CDH24: variants seen among roughly 807,000 people sequenced by gnomAD.
CDH24 encodes the protein cadherin-24.
CDH24 carries 61 observed loss-of-function variants against 71.2 expected under a neutral mutation model. The ratio of observed to expected loss-of-function variants is 0.86; its 90% CI spans 0.70 to 1.06. The LOEUF is 1.06. Among genes scored for constraint, CDH24 ranks in the 50% least tolerant of loss-of-function variants. The probability of loss-of-function intolerance (pLI) is 0.00; values close to 1 mark genes in which losing one functional copy is unlikely to be tolerated. For synonymous variants in CDH24, 440 were observed against 470.2 expected (o/e 0.94, Z 0.83); for missense variants, 961 against 1,083.7 (o/e 0.89, Z 1.59).
In CDH24 at chr14:23,049,951, C is replaced by T. The variant is rs2047072968; in HGVS notation, c.1364-8G>A. ...AGGCCTGTGCAGAACTGTCTGAAGG[C>T]AGAACACCAAAACATACACGCCACA... is the stretch of plus-strand genomic sequence containing the variant. On this transcript the variant is annotated splice_region_variant and splice_polypyrimidine_tract_variant and intron_variant, in intron 8 of 12. Coordinates refer to ENST00000487137, the MANE Select transcript of CDH24 (RefSeq NM_144985.4). 2 of 1,610,794 alleles carry T rather than the reference C, an allele frequency of 1.2e-6. No homozygotes were observed. Among genetic ancestry groups the T allele is most frequent in the Non-Finnish European group, 1.7e-6 (2 of 1,177,678 alleles).
chr14:23,055,103 G>C lies in CDH24; in HGVS notation c.452C>G (p.Pro151Arg). 6.2e-7 allele frequency: 1 copy of C among 1,613,890 alleles called. No individual in the cohort carries two copies. Among genetic ancestry groups the C allele is most frequent in the Non-Finnish European group, 8.5e-7 (1 of 1,179,864 alleles). Reference sequence around the variant, plus strand: ...CACGGTGGCATGGTAGGGCCCAAGGGGAAAAATGGGTGGATTGTCGTTGAT... The same window carrying C: ...CACGGTGGCATGGTAGGGCCCAAGGCGAAAAATGGGTGGATTGTCGTTGAT... ...QDINDNPPIFPLGPYHATVPE... is the reference protein window; with the variant it reads ...QDINDNPPIFRLGPYHATVPE... The change falls in exon 3 of 13, where the codon CCC becomes CGC. Residue 151 changes from proline to arginine, a missense_variant. Physicochemically the swap from Pro to Arg is moderately radical, Grantham distance 103. Around this residue, in one of 2 missense-constraint regions of CDH24, gnomAD observed 671 missense variants for 810.9 expected, o/e 0.83. Coordinates refer to ENST00000487137, the MANE Select transcript of CDH24 (RefSeq NM_144985.4). This position sits in a 1 kb window ranked among gnomAD's most constrained non-coding sequence, Gnocchi z 4.1.
intron 8 of CDH24, 73 bp from the exon 9 acceptor site, chr14:23,050,016 G>A: frequency 1.0e-5 from 16 of 1,564,482 alleles, no homozygotes; most frequent in Non-Finnish European, 1.4e-5. Flanking sequence ...TGTGGTGCAT[G>A]GGCATGGATG....
In CDH24 at chr14:23,051,910, G is replaced by T; in HGVS notation, c.1363+563C>A. ...TGAACCCGCTGCTGGCCTGACTGATGGGGGAGACCGCATATGGAGCTGGCA... is the reference window on the plus strand; with the variant it reads ...TGAACCCGCTGCTGGCCTGACTGATTGGGGAGACCGCATATGGAGCTGGCA... On this transcript the variant is annotated intron_variant, in intron 8 of 12. Transcript: ENST00000487137. The surrounding 1 kb of genome is among the most constrained non-coding windows in gnomAD (Gnocchi z 4.4). 1 of 983,098 alleles carries T rather than the reference G, an allele frequency of 1.0e-6. No homozygotes were observed. Among genetic ancestry groups the T allele is most frequent in the Non-Finnish European group, 1.5e-6 (1 of 660,054 alleles). The allele number at this position is 983,098 out of a possible 1,614,324, so 60.9% of individuals were successfully genotyped here.
rs199897921 is a variant in CDH24, at chr14:23,053,565, T to C, written c.1157A>G (p.Asn386Ser). Reference sequence around the variant, plus strand: ...GCCTACCAGGGTCCCCGGGGCCTTGTTCTCAGGCACTGTCAGGTGGTAGGC... The same window carrying C: ...GCCTACCAGGGTCCCCGGGGCCTTGCTCTCAGGCACTGTCAGGTGGTAGGC... ...QAAYHLTVPE[N>S]KAPGTLVGQI... is the part of the protein sequence containing the mutation. Residue 386 changes from asparagine (N) to serine (S), a missense_variant, in exon 7 of 13, where the codon AAC becomes AGC. Asn to Ser is a conservative substitution (Grantham distance 46). Around this residue, in one of 2 missense-constraint regions of CDH24, gnomAD observed 671 missense variants for 810.9 expected, o/e 0.83. Transcript: ENST00000487137. 6.2e-7 allele frequency: 1 copy of C among 1,611,454 alleles called. No individual in the cohort carries two copies. The highest frequency in any genetic ancestry group is 8.5e-7 in the Non-Finnish European group (1 of 1,178,108).
rs1431866504 is a variant in CDH24 at position 23,049,848 on chromosome 14, C to T, written c.1459G>A (p.Val487Met). 3.7e-6 allele frequency: 6 copies of T among 1,613,946 alleles called. No homozygotes were observed. The highest frequency in any genetic ancestry group is 5.1e-6 in the Non-Finnish European group (6 of 1,179,992). The stretch of plus-strand genomic sequence containing the variant: ...TGGCCAGGAGCTGCAGAGTCACACA[C>T]AAAAGTATCGTAGGGCTCAGCCAGC... ...PQLAEPYDTF[V>M]CDSAAPGQLI... The change falls in exon 9 of 13, where the codon GTG (valine) becomes ATG (methionine). Residue 487 changes from valine (V) to methionine (M), a missense_variant. Val to Met is a conservative substitution (Grantham distance 21). Coordinates refer to ENST00000487137, the MANE Select transcript of CDH24 (RefSeq NM_144985.4).
intron 1 of CDH24, among the ~76,000 whole-genome samples, chr14:23,056,328 G>C (rs1035685746): frequency 1.3e-5 from 2 of 152,220 alleles, no homozygotes; most frequent in African/African-American, 4.8e-5. Context: ...CCCCACAAGG[G>C]GGAGCCCCAC....
Position 23,048,094 on chromosome 14 carries a change from G to A in CDH24, c.2232C>T (p.Gly744=). 7.1e-7 allele frequency: 1 copy of A among 1,416,538 alleles called. No homozygotes were observed. Among genetic ancestry groups the A allele is most frequent in the Non-Finnish European group, 9.2e-7 (1 of 1,091,234 alleles). 87.7% of individuals were successfully genotyped at this position (1,416,538 alleles called of 1,614,324 possible). A position where few individuals can be genotyped will look rare whatever the true frequency, so the allele number is the denominator to read the frequency against. ...GGGCGCCGCCGGCTTCGCTGCCGGA[G>A]CCCAGGGAGCTGAGGGAGCCGCAAG... ...GSSCGSLSSL[G]SGSEAGGAPG... The change falls in exon 12 of 13, where the codon GGC becomes GGT. Residue 744 remains glycine, a synonymous_variant. Transcript: ENST00000487137.
chr14:23,048,521 C>A (rs776196873), intron 11 of CDH24, 42 bp from the exon 12 acceptor site: 2 of 1,588,440 alleles, frequency 1.3e-6, no homozygotes, highest in Admixed American at 1.7e-5. Flanking sequence ...CCAGCAGGGC[C>A]GGGAGCGGGC....
At chr14:23,050,072 T>A in intron 8 of CDH24, 129 bp from the exon 9 acceptor site, 1 of 1,294,718 alleles carries the variant, frequency 7.7e-7, no homozygotes, top group South Asian at 1.4e-5. Context: ...GAAATATGCA[T>A]GTAATGTACA....
chr14:23,055,155 A>T lies in CDH24; in HGVS notation c.400T>A (p.Ser134Thr), dbSNP rs138132647. 1.2e-6 allele frequency: 2 copies of T among 1,613,998 alleles called. No homozygotes were observed. Among genetic ancestry groups the T allele is most frequent in the African/African-American group, 2.7e-5 (2 of 74,900 alleles). ...RASNRPLEPP[S>T]EFIIKVQDIN... ...TCTTGCACTTTGATGATGAACTCTGATGGGGGCTCCAGGGGCCGGTTGGAG... is the reference window on the plus strand; with the variant it reads ...TCTTGCACTTTGATGATGAACTCTGTTGGGGGCTCCAGGGGCCGGTTGGAG... The change falls in exon 3 of 13, where the codon TCA becomes ACA. Residue 134 changes from serine to threonine, a missense_variant. Around this residue, in one of 2 missense-constraint regions of CDH24, gnomAD observed 671 missense variants for 810.9 expected, o/e 0.83. Transcript: ENST00000487137. The surrounding 1 kb of genome is among the most constrained non-coding windows in gnomAD (Gnocchi z 4.1).
At chr14:23,049,338 C>T in intron 10 of CDH24, 63 bp from the exon 11 acceptor site, 1 of 1,460,446 alleles carries the variant, frequency 6.8e-7, no homozygotes, top group South Asian at 1.3e-5. Context: ...GTTGGTCCAG[C>T]CCATAGAGCC....
At chr14:23,050,529 ACAC>A (rs1272368845) in intron 8 of CDH24, among the ~76,000 whole-genome samples, 27 of 149,094 alleles carry the variant, frequency 1.8e-4, no homozygotes, top group Middle Eastern at 3.4e-3. Context: ...ACACACACAC[ACAC>A]ATCCCATCAG....
In CDH24 at chr14:23,051,146, G is replaced by A. The variant is rs764378964; in HGVS notation, c.1364-1203C>T. Reference sequence around the variant, plus strand: ...TGCACTAACAGATAACACGTGCACTGCCAGGTAGTATCTGTGCATATCTAC... The same window carrying A: ...TGCACTAACAGATAACACGTGCACTACCAGGTAGTATCTGTGCATATCTAC... On this transcript the variant is annotated intron_variant, in intron 8 of 12. Transcript: ENST00000487137. The surrounding 1 kb of genome is among the most constrained non-coding windows in gnomAD (Gnocchi z 4.4). 3.3e-5 allele frequency among the ~76,000 whole-genome samples: 5 copies of A among 152,162 alleles called. No homozygotes were observed. The highest frequency in any genetic ancestry group is 7.2e-5 in the African/African-American group (3 of 41,432).
At chr14:23,053,860 C>T in intron 6 of CDH24, 111 bp from the exon 7 acceptor site, 1 of 1,132,466 alleles carries the variant, frequency 8.8e-7, no homozygotes, top group Non-Finnish European at 1.2e-6. Context: ...GCTCAGTCCT[C>T]ATGTGAGGAG....
At position 23,055,593 on chromosome 14, in the gene CDH24, G is replaced by A; in HGVS notation, c.141C>T (p.Val47=). ...CCTCAATGACAAAGAACTGGTTCCA[G>A]ACCCAGCTCCTTCGAGTCCGCAGCA... ...PALLRTRRSW[V]WNQFFVIEEY... is the part of the protein sequence containing the mutation. The change falls in exon 2 of 13, where the codon GTC becomes GTT. Residue 47 remains valine (V), a synonymous_variant. Coordinates refer to ENST00000487137, the MANE Select transcript of CDH24 (RefSeq NM_144985.4). This position sits in a 1 kb window ranked among gnomAD's most constrained non-coding sequence, Gnocchi z 4.1. 6.2e-7 allele frequency: 1 copy of A among 1,614,014 alleles called. No individual in the cohort carries two copies.
chr14:23,047,982 A>G lies in CDH24; in HGVS notation c.2344T>C (p.Ter782ArgextTer19). 1 of 1,339,124 alleles carries G rather than the reference A, an allele frequency of 7.5e-7. No homozygotes were observed. The highest frequency in any genetic ancestry group is 3.9e-5 in the Admixed American group (1 of 25,400). The allele number at this position is 1,339,124 out of a possible 1,614,324, so 83.0% of individuals were successfully genotyped here. The change falls in exon 12 of 13, where the codon TGA (stop) becomes CGA (arginine). Residue 782 changes from the stop codon to arginine, a stop_lost. Coordinates refer to ENST00000487137, the MANE Select transcript of CDH24 (RefSeq NM_144985.4). Reference protein sequence around the residue: ...LYGAKEPPAP* With the variant: ...LYGAKEPPAPR ...GTGGGCCGGGCCAGCCCGGGCGCTC[A>G]GGGGGCCGGGGGCTCCTTGGCCCCA...
At position 23,055,217 on chromosome 14, in the gene CDH24, G is replaced by A. The variant is rs775467867; in HGVS notation, c.338C>T (p.Ala113Val). Reference sequence around the variant, plus strand: ...GGCTTGGGCCAGTAGCACATATTGCGCCTTTTCCTCCCGGTCAAGGCTCTT... The same window carrying A: ...GGCTTGGGCCAGTAGCACATATTGCACCTTTTCCTCCCGGTCAAGGCTCTT... ...VTKSLDREEK[A>V]QYVLLAQAVD... Residue 113 changes from alanine to valine, a missense_variant, in exon 3 of 13, where the codon GCG (alanine) becomes GTG (valine). Physicochemically the swap from Ala to Val is moderately conservative, Grantham distance 64. This residue lies in a region of CDH24 where 671 missense variants were observed against 810.9 expected (regional missense o/e 0.83). Transcript: ENST00000487137. The surrounding 1 kb of genome is among the most constrained non-coding windows in gnomAD (Gnocchi z 4.1). The A allele has an allele frequency of 4.3e-6, 7 of 1,614,028 alleles. No individual in the cohort carries two copies. Among genetic ancestry groups the A allele is most frequent in the East Asian group, 4.5e-5 (2 of 44,892 alleles).
Position 23,049,142 on chromosome 14 carries a change from G to A in CDH24, c.1731C>T (p.Cys577=), listed in dbSNP as rs1162307153. 3 of 1,598,960 alleles carry A rather than the reference G, an allele frequency of 1.9e-6. No individual in the cohort carries two copies. The highest frequency in any genetic ancestry group is 2.2e-5 in the South Asian group (2 of 89,310). The part of the protein sequence containing the change: ...SSTATVTVSV[C]RCQPDGSVAS... ...CCACAGAGCCGTCAGGCTGGCAGCG[G>A]CACACACTAACAGTCACTGTGGCAG... Residue 577 remains cysteine, a synonymous_variant, in exon 11 of 13, where the codon TGC becomes TGT. Transcript: ENST00000487137.
At position 23,048,218 on chromosome 14, in the gene CDH24, G is replaced by A. The variant is rs765787521; in HGVS notation, c.2108C>T (p.Ala703Val). ...QPRPPGPADVAQLLALRLREA... is the reference protein window; with the variant it reads ...QPRPPGPADVVQLLALRLREA... Reference sequence around the variant, plus strand: ...GCGGAGCCGCAGCGCCAGGAGCTGCGCCACGTCGGCGGGGCCGGGGGGTCT... The same window carrying A: ...GCGGAGCCGCAGCGCCAGGAGCTGCACCACGTCGGCGGGGCCGGGGGGTCT... Residue 703 changes from alanine (A) to valine (V), a missense_variant, in exon 12 of 13, where the codon GCG becomes GTG. Ala to Val is a moderately conservative substitution (Grantham distance 64, BLOSUM62 0). Around this residue, in one of 2 missense-constraint regions of CDH24, gnomAD observed 290 missense variants for 272.8 expected, o/e 1.06. Coordinates refer to ENST00000487137, the MANE Select transcript of CDH24 (RefSeq NM_144985.4). 6.1e-5 allele frequency: 80 copies of A among 1,310,322 alleles called. No individual in the cohort carries two copies. The highest frequency in any genetic ancestry group is 7.6e-5 in the Non-Finnish European group (78 of 1,029,276). The allele number at this position is 1,310,322 out of a possible 1,614,324, so 81.2% of individuals were successfully genotyped here.
Sources: allele counts gnomAD v4.1 joint callset (sites outside exome capture counted in the v4.1 genomes callset), GRCh38; gene constraint gnomAD v4.1.1; regional missense constraint gnomAD v4.1.1; non-coding constraint Gnocchi (gnomAD v3.1); transcripts MANE v1.5; gene names NCBI Gene and HGNC (gene_info 2026-07-23, HGNC 2026-07-21).